PIGF: variants seen among roughly 807,000 people sequenced by gnomAD.
PIGF encodes the protein GPI ethanolamine phosphate transferase, stabilizing subunit.
A neutral mutation model predicts 26.0 loss-of-function variants in PIGF; 23 were observed. That is an observed-to-expected ratio of 0.88 (90% CI 0.64 to 1.25). PIGF has a LOEUF of 1.25. Among genes scored for constraint, PIGF ranks in the 50% most tolerant of loss-of-function variants. The probability of loss-of-function intolerance (pLI) is 0.00; values close to 1 mark genes in which losing one functional copy is unlikely to be tolerated. For missense variants in PIGF, 278 were observed against 249.9 expected (o/e 1.11, Z -0.76); for synonymous variants, 93 against 92.6 (o/e 1.00, Z -0.03).
intron 4 of PIGF, among the ~76,000 whole-genome samples, chr2:46,606,656 G>A (rs1415549665): frequency 6.6e-6 from 1 of 152,132 alleles, no homozygotes; most frequent in Non-Finnish European, 1.5e-5. Flanking sequence ...TTTACAGATA[G>A]TACCAAACTG....
intron 5 of PIGF, chr2:46,591,598 T>A: frequency 1.1e-6 from 1 of 951,446 alleles, no homozygotes; most frequent in Non-Finnish European, 1.3e-6. Context: ...GCAGTGTTTA[T>A]TATCACAAAA....
Position 46,588,822 on chromosome 2 carries a change from T to C in PIGF, c.546+3653A>G, listed in dbSNP as rs13410076. Among the ~76,000 whole-genome samples the C allele has an allele frequency of 0.16, 23,696 of 152,154 alleles. 2,802 individuals are homozygous for C. The highest frequency in any genetic ancestry group is 0.33 in the African/African-American group (13,807 of 41,476). ...AAATTATTAAATAATTAAATTCCAGTCCTGGGTGTATTTAAGTATCTGTTG... is the reference window on the plus strand; with the variant it reads ...AAATTATTAAATAATTAAATTCCAGCCCTGGGTGTATTTAAGTATCTGTTG... On this transcript the variant is annotated intron_variant, in intron 5 of 5. Coordinates refer to ENST00000281382, the MANE Select transcript of PIGF (RefSeq NM_002643.4). This position sits in a 1 kb window ranked among gnomAD's most constrained non-coding sequence, Gnocchi z 4.1.
rs1047531455 is a variant in PIGF, at chr2:46,616,872, G to A, written c.-22+98C>T. 3 of 317,808 alleles carry A rather than the reference G, an allele frequency of 9.4e-6. No individual in the cohort carries two copies. In the Admixed American group the frequency reaches 1.4e-4, roughly 15 times the overall value. The allele number at this position is 317,808 out of a possible 1,614,324, so 19.7% of individuals were successfully genotyped here. On this transcript the variant is annotated intron_variant, in intron 1 of 5. Transcript: ENST00000281382. ...GGCGCTGAGCTGACGGCGAGCGCCG[G>A]CGGGTCGGGGCGCCAAGGCTCAGGG...
chr2:46,614,779 C>T (rs1034440542), intron 2 of PIGF, 158 bp downstream of exon 2: 6 of 559,420 alleles, frequency 1.1e-5, no homozygotes, highest in African/African-American at 7.5e-5. Context: ...TGTGGGCAGC[C>T]TTCCACCAAG....
chr2:46,599,684 G>A (rs1426999781), intron 4 of PIGF, among the ~76,000 whole-genome samples: 2 of 151,880 alleles, frequency 1.3e-5, no homozygotes, highest in African/African-American at 4.8e-5. Context: ...TCTCATCTTT[G>A]CTCTTAATTT....
chr2:46,602,931 G>T (rs1572778949), intron 4 of PIGF, among the ~76,000 whole-genome samples: 1 of 152,018 alleles, frequency 6.6e-6, no homozygotes, highest in South Asian at 2.1e-4. Context: ...AATTATCCTT[G>T]TTTGCAGATG....
chr2:46,594,829 C>G (rs555076519), intron 4 of PIGF, among the ~76,000 whole-genome samples: 1 of 143,244 alleles, frequency 7.0e-6, no homozygotes, highest in African/African-American at 2.6e-5. Context: ...CCACTGCGCC[C>G]GGCCCTCACC....
At chr2:46,605,808 G>C (rs79605687) in intron 4 of PIGF, among the ~76,000 whole-genome samples, 1,613 of 152,158 alleles carry the variant, frequency 0.011, 27 homozygotes, top group African/African-American at 0.035. Context: ...AGCTTTCTAA[G>C]TTCTTCATCT....
In PIGF at chr2:46,588,593, A is replaced by G. The variant is rs1272900406; in HGVS notation, c.546+3882T>C. ...TAATCATCATGTTACCTGCCTACCC[A>G]TTAATAAAACGTGAGTTTAAAAACC... is the stretch of plus-strand genomic sequence containing the variant. On this transcript the variant is annotated intron_variant, in intron 5 of 5. Transcript: ENST00000281382. This position sits in a 1 kb window ranked among gnomAD's most constrained non-coding sequence, Gnocchi z 4.1. 1 of 153,634 alleles carries G rather than the reference A, an allele frequency of 6.5e-6. No homozygotes were observed. Among genetic ancestry groups the G allele is most frequent in the Admixed American group, 6.5e-5 (1 of 15,306 alleles). 9.5% of individuals were successfully genotyped at this position (153,634 alleles called of 1,614,324 possible).
chr2:46,596,862 A>T (rs1669904695), intron 4 of PIGF, among the ~76,000 whole-genome samples: 1 of 152,196 alleles, frequency 6.6e-6, no homozygotes, highest in Non-Finnish European at 1.5e-5. Flanking sequence ...CGTTATGATG[A>T]TTATAAAACT....
chr2:46,605,166 GAA>G (rs903111739), intron 4 of PIGF, among the ~76,000 whole-genome samples: 4 of 151,984 alleles, frequency 2.6e-5, no homozygotes, highest in African/African-American at 9.7e-5. Context: ...GAACATTTAA[GAA>G]GGCAAACTCT....
intron 4 of PIGF, among the ~76,000 whole-genome samples, chr2:46,607,452 T>C (rs1670260460): frequency 6.6e-6 from 1 of 152,220 alleles, no homozygotes; most frequent in Non-Finnish European, 1.5e-5. Flanking sequence ...AAGTGAGTCA[T>C]ATGTATTTTC....
At chr2:46,610,526 CTTT>C (rs10690699) in intron 4 of PIGF, among the ~76,000 whole-genome samples, 1 of 110,302 alleles carries the variant, frequency 9.1e-6, no homozygotes, top group Admixed American at 1.1e-4. Flanking sequence ...GTACTGATTC[CTTT>C]TTTTTTTTTT....
chr2:46,598,444 C>T (rs1319779960), intron 4 of PIGF, among the ~76,000 whole-genome samples: 1 of 152,012 alleles, frequency 6.6e-6, no homozygotes, highest in South Asian at 2.1e-4. Context: ...CTTCTCTAAC[C>T]CACGGCCCAT....
chr2:46,587,966 T>A, intron 5 of PIGF: 3 of 845,166 alleles, frequency 3.5e-6, no homozygotes, highest in Non-Finnish European at 5.0e-6. Flanking sequence ...GGGGCTCTCA[T>A]GTGAATCTTA....
chr2:46,599,218 C>T (rs947825335), intron 4 of PIGF, among the ~76,000 whole-genome samples: 6 of 152,214 alleles, frequency 3.9e-5, no homozygotes, highest in Non-Finnish European at 8.8e-5. Context: ...ATATTTTCTT[C>T]ACTTCTCCTC....
chr2:46,599,424 C>T (rs1242511284), intron 4 of PIGF, among the ~76,000 whole-genome samples: 1 of 152,114 alleles, frequency 6.6e-6, no homozygotes, highest in East Asian at 1.9e-4. Context: ...ACTAACTAGT[C>T]TTGTTTGCAT....
intron 4 of PIGF, among the ~76,000 whole-genome samples, chr2:46,608,327 C>T (rs1001887399): frequency 6.6e-6 from 1 of 152,180 alleles, no homozygotes; most frequent in African/African-American, 2.4e-5. Context: ...TGCAGCAATT[C>T]AGTCACATCT....
chr2:46,612,346 T>TAA lies in PIGF; in HGVS notation c.321-3_321-2insTT. On this transcript the variant is annotated splice_polypyrimidine_tract_variant and splice_region_variant and intron_variant, in intron 3 of 5. Transcript: ENST00000281382. ...AATAAAAATGTTTCCAATGCCAACC[T>TAA]AGAAAAAAAAAAAGATTACTTTTTA... 1 of 1,135,148 alleles carries TAA rather than the reference T, an allele frequency of 8.8e-7. No homozygotes were observed. The highest frequency in any genetic ancestry group is 1.2e-6 in the Non-Finnish European group (1 of 805,292). 70.3% of individuals were successfully genotyped at this position (1,135,148 alleles called of 1,614,324 possible). A position where few individuals can be genotyped will look rare whatever the true frequency, so the allele number is the denominator to read the frequency against.
Sources: gnomAD v4.1 joint callset for allele counts (sites outside exome capture counted in the v4.1 genomes callset) on GRCh38, gnomAD v4.1.1 for gene constraint, Gnocchi (gnomAD v3.1) non-coding constraint, MANE v1.5 for transcripts, NCBI Gene and HGNC (gene_info 2026-07-23, HGNC 2026-07-21) for gene names.